The following PHF14 variants were observed in gnomAD, a reference collection of about 807,000 sequenced individuals.
PHF14 encodes PHD finger protein 14.
In PHF14, 55 loss-of-function variants were observed where a neutral mutation model predicts 117.9. The observed-to-expected ratio is 0.47, with a 90% CI of 0.38 to 0.58. PHF14 has a LOEUF of 0.58. Among genes scored for constraint, PHF14 ranks in the 20% least tolerant of loss-of-function variants. The pLI is 0.00. For missense variants in PHF14, 978 were observed against 1,122.2 expected (o/e 0.87, Z 1.84); for synonymous variants, 409 against 368.6 (o/e 1.11, Z -1.26).
At chr7:11,148,338 G>T (rs867727531) in intron 17 of PHF14, among the ~76,000 whole-genome samples, 16 of 152,240 alleles carry the variant, frequency 1.1e-4, no homozygotes, top group Middle Eastern at 6.8e-3. Flanking sequence ...TCGATTTCCT[G>T]TCCCTTCTGC....
intron 17 of PHF14, among the ~76,000 whole-genome samples, chr7:11,116,832 T>C (rs1787614489): frequency 6.6e-6 from 1 of 151,958 alleles, no homozygotes; most frequent in Admixed American, 6.6e-5. Flanking sequence ...AGCTAAAAAT[T>C]AACTTTTTGG....
chr7:11,090,209 G>A (rs1786590808), intron 16 of PHF14, among the ~76,000 whole-genome samples: 1 of 152,212 alleles, frequency 6.6e-6, no homozygotes, highest in Non-Finnish European at 1.5e-5. Context: ...GTACATGAAA[G>A]TAATTCTTTA....
intron 17 of PHF14, among the ~76,000 whole-genome samples, chr7:11,136,998 T>G (rs1467012157): frequency 6.6e-6 from 1 of 152,222 alleles, no homozygotes; most frequent in East Asian, 1.9e-4. Flanking sequence ...CCTTAATATA[T>G]AAGACATATG....
chr7:11,059,153 A>T (rs910481843), intron 14 of PHF14, among the ~76,000 whole-genome samples: 3 of 152,214 alleles, frequency 2.0e-5, no homozygotes, highest in Non-Finnish European at 4.4e-5. Context: ...ATTATACCAT[A>T]TGATGCTAAT....
In PHF14 at chr7:11,042,670, C is replaced by A; in HGVS notation, c.2181-13C>A. 1 of 1,544,170 alleles carries A rather than the reference C, an allele frequency of 6.5e-7. No individual in the cohort carries two copies. Among genetic ancestry groups the A allele is most frequent in the African/African-American group, 1.4e-5 (1 of 72,050 alleles). ...TTATTATTGAAATCTTTACTTGCTG[C>A]CTTTATTAAAAGTTGTGGGATTTGT... On this transcript the variant is annotated splice_polypyrimidine_tract_variant and intron_variant, in intron 12 of 17. Coordinates refer to ENST00000634607, the MANE Select transcript of PHF14 (RefSeq NM_001007157.2).
chr7:10,999,412 A>C (rs930827482), intron 4 of PHF14, among the ~76,000 whole-genome samples: 1 of 152,188 alleles, frequency 6.6e-6, no homozygotes, highest in Non-Finnish European at 1.5e-5. Context: ...TCAATGTCTC[A>C]CATCTATAAT....
Position 11,028,684 on chromosome 7 carries a change from T to G in PHF14, c.1321T>G (p.Cys441Gly). 1.2e-6 allele frequency: 2 copies of G among 1,613,584 alleles called. No homozygotes were observed. The highest frequency in any genetic ancestry group is 1.7e-6 in the Non-Finnish European group (2 of 1,179,686). Residue 441 changes from cysteine to glycine, a missense_variant, in exon 7 of 18, where the codon TGT (cysteine) becomes GGT (glycine). Physicochemically the swap from Cys to Gly is radical, Grantham distance 159 (BLOSUM62 -3). This residue lies in a region of PHF14 where 21 missense variants were observed against 16.5 expected (regional missense o/e 1.27). Transcript: ENST00000634607. ...MNYSKYGAKE[C>G]SFCEDPRFAR... ...TTTTTCTGTTACTTTGTTGTAGGAG[T>G]GTAGCTTTTGTGAAGACCCTCGCTT...
intron 14 of PHF14, among the ~76,000 whole-genome samples, chr7:11,059,809 C>T (rs188517806): frequency 6.6e-6 from 1 of 152,194 alleles, no homozygotes; most frequent in East Asian, 1.9e-4. Flanking sequence ...ATACATTATG[C>T]AAATTAGATA....
At position 10,974,158 on chromosome 7, in the gene PHF14, C is replaced by G; in HGVS notation, c.-166C>G. Reference sequence around the variant, plus strand: ...GCCGGGGGGGCGGGGGGTTAGGGGACCGCGGGGCTACTCTTGGGAGCGCCC... The same window carrying G: ...GCCGGGGGGGCGGGGGGTTAGGGGAGCGCGGGGCTACTCTTGGGAGCGCCC... On this transcript the variant is annotated 5_prime_UTR_variant, in exon 1 of 18. Transcript: ENST00000634607. 1.6e-6 allele frequency: 1 copy of G among 637,574 alleles called. No homozygotes were observed. Among genetic ancestry groups the G allele is most frequent in the Non-Finnish European group, 2.8e-6 (1 of 355,604 alleles). 39.5% of individuals were successfully genotyped at this position (637,574 alleles called of 1,614,324 possible).
chr7:11,120,772 T>C (rs1247338567), intron 17 of PHF14, among the ~76,000 whole-genome samples: 1 of 152,066 alleles, frequency 6.6e-6, no homozygotes, highest in Non-Finnish European at 1.5e-5. Context: ...ATTTTATAAG[T>C]AGAGAGAATG....
chr7:10,978,077 GTTAGT>G lies in PHF14; in HGVS notation c.112+3139_112+3143del, dbSNP rs1312365128. Among the ~76,000 whole-genome samples, 33 of 152,274 alleles carry G rather than the reference GTTAGT, an allele frequency of 2.2e-4. 2 individuals carry two copies. The South Asian group carries it at 6.4e-3, about 30-fold the overall frequency. ...GGTTAACTTTAGATCTTGATCAAAAGTTAGTTTAGTTAGGCCATATTGCCAGGAAA... is the reference window on the plus strand; with the variant it reads ...GGTTAACTTTAGATCTTGATCAAAAGTTAGTTAGGCCATATTGCCAGGAAA... On this transcript the variant is annotated intron_variant, in intron 2 of 17. Coordinates refer to ENST00000634607, the MANE Select transcript of PHF14 (RefSeq NM_001007157.2).
chr7:11,063,270 T>G, intron 16 of PHF14: 2 of 984,898 alleles, frequency 2.0e-6, no homozygotes, highest in Non-Finnish European at 2.4e-6. Flanking sequence ...AAGGTTAAGT[T>G]TATTAAAATT....
intron 16 of PHF14, among the ~76,000 whole-genome samples, chr7:11,078,969 A>C (rs1011387045): frequency 6.6e-6 from 1 of 152,200 alleles, no homozygotes; most frequent in Admixed American, 6.5e-5. Flanking sequence ...TTTATTATCT[A>C]TGTAGCTACT....
At chr7:10,977,330 CTTAATA>C (rs1241470977) in intron 2 of PHF14, among the ~76,000 whole-genome samples, 5 of 152,236 alleles carry the variant, frequency 3.3e-5, no homozygotes, top group African/African-American at 1.2e-4. Flanking sequence ...TTCCTTAGAA[CTTAATA>C]TTAAAGTGGT....
At chr7:11,167,239 G>C (rs1374030362) in intron 17 of PHF14, among the ~76,000 whole-genome samples, 1 of 152,242 alleles carries the variant, frequency 6.6e-6, no homozygotes, top group Admixed American at 6.5e-5. Context: ...TAGACTGTCC[G>C]TGTGATAAAG....
intron 16 of PHF14, chr7:11,071,309 C>G (rs371793909): frequency 5.8e-4 from 300 of 518,192 alleles, no homozygotes; most frequent in Non-Finnish European, 9.2e-4. Context: ...TCACAAGCTC[C>G]TGTGTAACAT....
At chr7:10,994,640 A>G (rs572634713) in intron 4 of PHF14, among the ~76,000 whole-genome samples, 2 of 152,192 alleles carry the variant, frequency 1.3e-5, no homozygotes, top group South Asian at 4.1e-4. Flanking sequence ...GGTTTCACTA[A>G]CTTCAAGAAT....
At chr7:11,079,300 A>G (rs955718843) in intron 16 of PHF14, among the ~76,000 whole-genome samples, 2 of 152,152 alleles carry the variant, frequency 1.3e-5, no homozygotes, top group East Asian at 1.9e-4. Flanking sequence ...CATGGCATAT[A>G]AGCTGAGCGG....
intron 4 of PHF14, chr7:11,006,905 T>C (rs575370666): frequency 1.6e-5 from 8 of 504,020 alleles, no homozygotes; most frequent in Non-Finnish European, 3.0e-5. Context: ...CCTGGCGCGG[T>C]GGCTCACACC....
Sources: gnomAD v4.1 joint callset for allele counts (sites outside exome capture counted in the v4.1 genomes callset) on GRCh38, gnomAD v4.1.1 for gene constraint, gnomAD v4.1.1 regional missense constraint, MANE v1.5 for transcripts, NCBI Gene and HGNC (gene_info 2026-07-23, HGNC 2026-07-21) for gene names.